Variants in MRPL3 observed in about 807,000 individuals in gnomAD.
The protein encoded by MRPL3 is mitochondrial ribosomal protein L3, also known as large ribosomal subunit protein uL3m.
A neutral mutation model predicts 44.3 loss-of-function variants in MRPL3; 43 were observed. The ratio of observed to expected loss-of-function variants is 0.97; its 90% CI spans 0.76 to 1.25. MRPL3 has a LOEUF of 1.25. MRPL3 is among the 50% of genes most tolerant of loss of function. The pLI, the probability that MRPL3 is intolerant of heterozygous loss-of-function variation, is 0.00. For missense variants in MRPL3, 406 were observed against 427.6 expected (o/e 0.95, Z 0.45); for synonymous variants, 171 against 152.3 (o/e 1.12, Z -0.91).
intron 4 of MRPL3, among the ~76,000 whole-genome samples, chr3:131,496,280 C>T (rs1934369506): frequency 6.6e-6 from 1 of 152,000 alleles, no homozygotes; most frequent in African/African-American, 2.4e-5. Flanking sequence ...TTAAAAAGTT[C>T]CCATAAATAT....
Position 131,483,999 on chromosome 3 carries a change from T to C in MRPL3, c.629+3681A>G, listed in dbSNP as rs181696133. 9.9e-5 allele frequency among the ~76,000 whole-genome samples: 15 copies of C among 152,274 alleles called. No individual in the cohort carries two copies. The East Asian group carries it at 2.9e-3, about 29-fold the overall frequency. On this transcript the variant is annotated intron_variant, in intron 6 of 9. Transcript: ENST00000264995. The stretch of plus-strand genomic sequence containing the variant: ...TTTCTCTTTTCTAATGAAAAGATAA[T>C]GAAGCCAATTACTAAACAGACTAGT...
chr3:131,498,104 T>G, intron 4 of MRPL3, 75 bp downstream of exon 4: 1 of 1,062,636 alleles, frequency 9.4e-7, no homozygotes, highest in Non-Finnish European at 1.4e-6. Flanking sequence ...TGTGGAACAA[T>G]CTCAAAACAT....
chr3:131,489,992 G>T lies in MRPL3; in HGVS notation c.557C>A (p.Ala186Glu). The T allele has an allele frequency of 1.2e-6, 2 of 1,604,070 alleles. No individual in the cohort carries two copies. Among genetic ancestry groups the T allele is most frequent in the Non-Finnish European group, 1.7e-6 (2 of 1,171,938 alleles). ...VKIFNITDNAAIKPGTPLYAA... is the reference protein window; with the variant it reads ...VKIFNITDNAEIKPGTPLYAA... ...CAACCTCAAATTACCTGGTTTAATT[G>T]CAGCATTATCTGTTATATTAAAGAT... The change falls in exon 5 of 10, where the codon GCA becomes GAA. Residue 186 changes from alanine to glutamate, a missense_variant. Ala to Glu is a moderately radical substitution (Grantham distance 107). Coordinates refer to ENST00000264995, the MANE Select transcript of MRPL3 (RefSeq NM_007208.4).
At chr3:131,468,508 G>A (rs1933671784) in intron 8 of MRPL3, among the ~76,000 whole-genome samples, 1 of 152,056 alleles carries the variant, frequency 6.6e-6, no homozygotes, top group Non-Finnish European at 1.5e-5. Context: ...CTAGCTTGCT[G>A]TAACTAGAGG....
At chr3:131,482,986 CT>C (rs3033337) in intron 6 of MRPL3, among the ~76,000 whole-genome samples, 20,478 of 140,628 alleles carry the variant, frequency 0.15, 1,556 homozygotes, top group South Asian at 0.24. Flanking sequence ...TTTCATTCTT[CT>C]TTTTTTTTTT....
At chr3:131,497,562 G>C (rs1268272839) in intron 4 of MRPL3, among the ~76,000 whole-genome samples, 2 of 151,996 alleles carry the variant, frequency 1.3e-5, no homozygotes, top group African/African-American at 2.4e-5. Context: ...TTTTGAGAAA[G>C]GTTTTCTGGT....
At chr3:131,497,267 T>A (rs1238443220) in intron 4 of MRPL3, among the ~76,000 whole-genome samples, 1 of 152,224 alleles carries the variant, frequency 6.6e-6, no homozygotes, top group Admixed American at 6.5e-5. Flanking sequence ...GTTAGTTAAC[T>A]GCGTTAGCCT....
chr3:131,492,194 C>T (rs115464658), intron 4 of MRPL3, among the ~76,000 whole-genome samples: 70 of 152,156 alleles, frequency 4.6e-4, no homozygotes, highest in Non-Finnish European at 7.9e-4. Context: ...GTCACTTATC[C>T]CCTCAGCCTA....
intron 6 of MRPL3, among the ~76,000 whole-genome samples, chr3:131,475,452 G>A (rs1489032125): frequency 6.6e-6 from 1 of 152,106 alleles, no homozygotes; most frequent in Non-Finnish European, 1.5e-5. Context: ...TTGAGGTCAG[G>A]GGAGGCCAGC....
chr3:131,473,967 T>C (rs1347527144), intron 6 of MRPL3, among the ~76,000 whole-genome samples: 1 of 152,114 alleles, frequency 6.6e-6, no homozygotes, highest in African/African-American at 2.4e-5. Flanking sequence ...GGATATAAAT[T>C]AGTATAGCCA....
chr3:131,501,508 C>T, intron 2 of MRPL3, 23 bp downstream of exon 2: 1 of 1,580,792 alleles, frequency 6.3e-7, no homozygotes, highest in Non-Finnish European at 8.7e-7. Flanking sequence ...GAAATGAGAG[C>T]TCATCAAATA....
chr3:131,471,513 T>G (rs1053234399), intron 6 of MRPL3, among the ~76,000 whole-genome samples: 1 of 152,210 alleles, frequency 6.6e-6, no homozygotes, highest in East Asian at 1.9e-4. Flanking sequence ...AATTCAAGAT[T>G]GTGAGACACC....
chr3:131,469,330 C>G (rs190923741), intron 8 of MRPL3, among the ~76,000 whole-genome samples: 3 of 151,660 alleles, frequency 2.0e-5, no homozygotes, highest in Admixed American at 6.6e-5. Flanking sequence ...AACATACACA[C>G]GTAGAGAGCT....
intron 1 of MRPL3, chr3:131,501,943 C>T: frequency 1.3e-6 from 2 of 1,525,392 alleles, no homozygotes; most frequent in Non-Finnish European, 1.8e-6. Flanking sequence ...AAAAATTCAT[C>T]TTCTCCTCGC....
intron 3 of MRPL3, among the ~76,000 whole-genome samples, chr3:131,499,629 T>C (rs1335299756): frequency 6.6e-6 from 1 of 152,122 alleles, no homozygotes; most frequent in Admixed American, 6.5e-5. Flanking sequence ...AGCTGTTACT[T>C]TACATCACCT....
chr3:131,497,803 A>G (rs964523379), intron 4 of MRPL3, among the ~76,000 whole-genome samples: 1 of 152,250 alleles, frequency 6.6e-6, no homozygotes, highest in Non-Finnish European at 1.5e-5. Flanking sequence ...GAAATGAAAC[A>G]TAAAACAATA....
At chr3:131,467,215 T>C (rs1338935022) in intron 9 of MRPL3, among the ~76,000 whole-genome samples, 1 of 151,944 alleles carries the variant, frequency 6.6e-6, no homozygotes, top group Non-Finnish European at 1.5e-5. Flanking sequence ...GTGCATTCTC[T>C]AGAATATTCT....
At position 131,489,839 on chromosome 3, in the gene MRPL3, AC is replaced by A. The variant is rs377002409; in HGVS notation, c.568+141del. Reference sequence around the variant, plus strand: ...GTTTTTCCACTAAAAAAAAAAAAAAACAAAATGAGATACAGTTTTGTATTTA... The same window carrying A: ...GTTTTTCCACTAAAAAAAAAAAAAAAAAAATGAGATACAGTTTTGTATTTA... On this transcript the variant is annotated intron_variant, in intron 5 of 9. Coordinates refer to ENST00000264995, the MANE Select transcript of MRPL3 (RefSeq NM_007208.4). The A allele has an allele frequency of 5.8e-3, 3,005 of 521,550 alleles. 71 individuals are homozygous for A. The highest frequency in any genetic ancestry group is 0.051 in the African/African-American group (2,635 of 51,182). 32.3% of individuals were successfully genotyped at this position (521,550 alleles called of 1,614,324 possible).
At chr3:131,498,338 C>T in intron 3 of MRPL3, 61 bp from the exon 4 acceptor site, 1 of 1,104,514 alleles carries the variant, frequency 9.1e-7, no homozygotes, top group Non-Finnish European at 1.4e-6. Context: ...CATTACAAAC[C>T]AGCCCCATTG....
Sources: allele counts gnomAD v4.1 joint callset (sites outside exome capture counted in the v4.1 genomes callset), GRCh38; gene constraint gnomAD v4.1.1; transcripts MANE v1.5; gene names NCBI Gene and HGNC (gene_info 2026-07-23, HGNC 2026-07-21).